Variants in WDR20 observed in about 807,000 individuals in gnomAD.
The protein encoded by WDR20 is WD repeat-containing protein 20.
A neutral mutation model predicts 38.7 loss-of-function variants in WDR20; 3 were observed. The ratio of observed to expected loss-of-function variants is 0.08; its 90% CI spans 0.04 to 0.20. WDR20 has a LOEUF of 0.20. WDR20 is among the 10% of genes least tolerant of loss of function. WDR20 has a pLI of 1.00. For synonymous variants in WDR20, 298 were observed against 285.6 expected (o/e 1.04, Z -0.44); for missense variants, 559 against 727.7 (o/e 0.77, Z 2.67).
upstream of WDR20, chr14:102,139,672 C>T: frequency 1.5e-6 from 1 of 655,816 alleles, no homozygotes; most frequent in East Asian, 2.7e-5. Flanking sequence ...GCCATGCCGC[C>T]CGGAGGCCAC....
chr14:102,180,880 T>C (rs1015935775), intron 1 of WDR20, among the ~76,000 whole-genome samples: 7 of 152,218 alleles, frequency 4.6e-5, no homozygotes, highest in African/African-American at 1.7e-4. Context: ...ATCCTTGTAT[T>C]TGCATACAGA....
downstream of WDR20, among the ~76,000 whole-genome samples, chr14:102,218,051 CG>C: frequency 6.6e-6 from 1 of 152,304 alleles, no homozygotes; most frequent in Non-Finnish European, 1.5e-5. Context: ...ACCAAGCTCC[CG>C]GATGTTGTGG....
intron 1 of WDR20, among the ~76,000 whole-genome samples, chr14:102,190,770 G>A (rs1201738372): frequency 6.6e-6 from 1 of 152,042 alleles, no homozygotes; most frequent in Non-Finnish European, 1.5e-5. Context: ...GGAGGCTGAG[G>A]CGGGCAGATC....
chr14:102,170,016 G>A (rs1211692321), intron 1 of WDR20, among the ~76,000 whole-genome samples: 1 of 152,106 alleles, frequency 6.6e-6, no homozygotes, highest in Non-Finnish European at 1.5e-5. Flanking sequence ...CCAGTATTAA[G>A]TTCTTGTATG....
At chr14:102,153,687 T>C (rs2056677832) in intron 1 of WDR20, among the ~76,000 whole-genome samples, 1 of 152,164 alleles carries the variant, frequency 6.6e-6, no homozygotes, top group Non-Finnish European at 1.5e-5. Context: ...CTAGATGAGA[T>C]TTGCTAGTAC....
chr14:102,220,168 G>A lies in WDR20; in HGVS notation c.1693-2662G>A, dbSNP rs1486738528. Among the ~76,000 whole-genome samples, 1 of 152,200 alleles carries A rather than the reference G, an allele frequency of 6.6e-6. No individual in the cohort carries two copies. Among genetic ancestry groups the A allele is most frequent in the Non-Finnish European group, 1.5e-5 (1 of 68,026 alleles). On this transcript the variant is annotated intron_variant, in intron 3 of 3. Coordinates refer to the WDR20 transcript ENST00000335263. This position sits in a 1 kb window ranked among gnomAD's most constrained non-coding sequence, Gnocchi z 4.2. Reference sequence around the variant, plus strand: ...GTGGCTGCGCCACCTCTGCGTCTCAGCAGCCGCCCTCCCCTGGGAGTGATG... The same window carrying A: ...GTGGCTGCGCCACCTCTGCGTCTCAACAGCCGCCCTCCCCTGGGAGTGATG...
chr14:102,140,373 G>C (rs1418232053), intron 1 of WDR20, among the ~76,000 whole-genome samples: 1 of 152,016 alleles, frequency 6.6e-6, no homozygotes, highest in African/African-American at 2.4e-5. Flanking sequence ...CGAAGGGGTG[G>C]GGGCAGTGGA....
At chr14:102,172,856 G>T (rs1389003973) in intron 1 of WDR20, among the ~76,000 whole-genome samples, 2 of 144,648 alleles carry the variant, frequency 1.4e-5, no homozygotes, top group Non-Finnish European at 3.1e-5. Context: ...TTCTCAGACG[G>T]GGCGGTTGCC....
chr14:102,220,763 G>T lies in WDR20; in HGVS notation c.1693-2067G>T, dbSNP rs999242727. Among the ~76,000 whole-genome samples the T allele has an allele frequency of 2.6e-5, 4 of 151,344 alleles. No homozygotes were observed. Among genetic ancestry groups the T allele is most frequent in the African/African-American group, 9.7e-5 (4 of 41,160 alleles). On this transcript the variant is annotated intron_variant, in intron 3 of 3. Transcript: ENST00000335263. The surrounding 1 kb of genome is among the most constrained non-coding windows in gnomAD (Gnocchi z 4.2). ...GAAAATATTAAAATTAATGTCACTT[G>T]TTTTTATTATCTATCTTTTCATTTT...
intron 2 of WDR20, among the ~76,000 whole-genome samples, chr14:102,201,623 C>T (rs776854976): frequency 1.3e-5 from 2 of 150,642 alleles, no homozygotes; most frequent in Admixed American, 1.3e-4. Flanking sequence ...GGGAGGGCCG[C>T]GCTGAGCGTT....
chr14:102,203,181 G>C (rs918746460), intron 2 of WDR20, among the ~76,000 whole-genome samples: 2 of 152,120 alleles, frequency 1.3e-5, no homozygotes, highest in African/African-American at 4.8e-5. Flanking sequence ...TGCCTCCACT[G>C]TCTGCAGCAG....
chr14:102,189,573 A>G (rs1201684557), intron 1 of WDR20, among the ~76,000 whole-genome samples: 1 of 152,226 alleles, frequency 6.6e-6, no homozygotes, highest in Non-Finnish European at 1.5e-5. Flanking sequence ...CTTAAAATGG[A>G]TAAGAATGTT....
chr14:102,189,065 C>T (rs2065638364), intron 1 of WDR20, among the ~76,000 whole-genome samples: 1 of 150,672 alleles, frequency 6.6e-6, no homozygotes, highest in African/African-American at 2.4e-5. Context: ...CAAAAATTAG[C>T]TGGGCGTGGT....
intron 1 of WDR20, among the ~76,000 whole-genome samples, chr14:102,188,835 T>C (rs1455935207): frequency 6.9e-6 from 1 of 144,964 alleles, no homozygotes; most frequent in African/African-American, 2.6e-5. Context: ...TTTGCATCAC[T>C]GTACTCCAGT....
intron 1 of WDR20, among the ~76,000 whole-genome samples, chr14:102,180,354 C>T (rs147969676): frequency 2.0e-5 from 3 of 152,302 alleles, no homozygotes; most frequent in African/African-American, 7.2e-5. Context: ...AAGACAGAAC[C>T]TGAAGGCATC....
chr14:102,143,476 G>C, intron 1 of WDR20, among the ~76,000 whole-genome samples: 1 of 152,062 alleles, frequency 6.6e-6, no homozygotes, highest in East Asian at 1.9e-4. Flanking sequence ...GCAAGGTGAT[G>C]TGAGGTATTC....
intron 1 of WDR20, among the ~76,000 whole-genome samples, chr14:102,147,678 G>GCA (rs561003020): frequency 0.033 from 4,972 of 152,278 alleles, 276 homozygotes; most frequent in African/African-American, 0.11. Flanking sequence ...GGTGGATTTT[G>GCA]TCACTGAGTG....
At position 102,210,514 on chromosome 14, in the gene WDR20, C is replaced by CT. The variant is rs2062340566; in HGVS notation, c.*640dup. 2.0e-6 allele frequency: 2 copies of CT among 985,188 alleles called. No homozygotes were observed. The highest frequency in any genetic ancestry group is 6.2e-5 in the Admixed American group (1 of 16,246). The allele number at this position is 985,188 out of a possible 1,614,324, so 61.0% of individuals were successfully genotyped here. A position where few individuals can be genotyped will look rare whatever the true frequency, so the allele number is the denominator to read the frequency against. On this transcript the variant is annotated 3_prime_UTR_variant, in exon 3 of 3. Coordinates refer to ENST00000342702, the MANE Select transcript of WDR20 (RefSeq NM_144574.4). ...ACAATTAAAGTTGTTTAATAAACATCTTTTTTCAAAGAAGCAGTTTGTAGC... is the reference window on the plus strand; with the variant it reads ...ACAATTAAAGTTGTTTAATAAACATCTTTTTTTCAAAGAAGCAGTTTGTAGC...
chr14:102,154,389 G>A (rs931651649), intron 1 of WDR20, among the ~76,000 whole-genome samples: 2 of 152,116 alleles, frequency 1.3e-5, no homozygotes, highest in African/African-American at 4.8e-5. Flanking sequence ...GGTGGAGGGG[G>A]AAGGCAGCTC....
Sources: gnomAD v4.1 joint callset for allele counts (sites outside exome capture counted in the v4.1 genomes callset) on GRCh38, gnomAD v4.1.1 for gene constraint, Gnocchi (gnomAD v3.1) non-coding constraint, MANE v1.5 for transcripts, NCBI Gene and HGNC (gene_info 2026-07-23, HGNC 2026-07-21) for gene names.